The following SAMMSON variants were observed in gnomAD, a reference collection of about 807,000 sequenced individuals.
SAMMSON encodes the protein survival associated mitochondrial melanoma specific oncogenic non-coding RNA.
At chr3:70,236,100 C>T (rs1701606088) in intron 4 of SAMMSON, among the ~76,000 whole-genome samples, 1 of 152,184 alleles carries the variant, frequency 6.6e-6, no homozygotes, top group Admixed American at 6.5e-5. Flanking sequence ...TTCACTCTTT[C>T]CCTTGCTAAC....
At chr3:70,139,969 AT>A (rs1412626214) in intron 4 of SAMMSON, among the ~76,000 whole-genome samples, 1 of 151,628 alleles carries the variant, frequency 6.6e-6, no homozygotes, top group African/African-American at 2.4e-5. Flanking sequence ...AGGCTTTCTC[AT>A]TTTTTTTCTA....
At chr3:70,167,295 T>C (rs1292795352) in intron 4 of SAMMSON, among the ~76,000 whole-genome samples, 1 of 152,006 alleles carries the variant, frequency 6.6e-6, no homozygotes, top group Non-Finnish European at 1.5e-5. Context: ...CACAAATGGC[T>C]TGTTATTTTC....
intron 6 of SAMMSON, chr3:70,272,319 T>C (rs1701983249): frequency 6.6e-6 from 1 of 152,240 alleles, no homozygotes; most frequent in Non-Finnish European, 1.5e-5. Context: ...AGGCAATCAC[T>C]TTCTGCTACT....
chr3:70,265,809 G>A lies in SAMMSON; in HGVS notation n.674+16139G>A, dbSNP rs140702269. On this transcript the variant is annotated intron_variant and non_coding_transcript_variant, in intron 6 of 9. Coordinates refer to ENST00000642114, the Ensembl canonical transcript of SAMMSON. ...CATGATGGGAGGCACCTCTTCACAG[G>A]GTGGCAGGAGAGAGAATGAGTGCCA... 4.8e-3 allele frequency among the ~76,000 whole-genome samples: 725 copies of A among 152,250 alleles called. 5 individuals are homozygous for A. Among genetic ancestry groups the A allele is most frequent in the African/African-American group, 0.017 (692 of 41,534 alleles).
chr3:70,038,915 T>C (rs924075733), intron 3 of SAMMSON, among the ~76,000 whole-genome samples: 1 of 152,078 alleles, frequency 6.6e-6, no homozygotes, highest in Non-Finnish European at 1.5e-5. Flanking sequence ...ACTGAACCAG[T>C]GTGAAGTGGT....
intron 1 of SAMMSON, among the ~76,000 whole-genome samples, chr3:70,006,014 A>C (rs556516309): frequency 6.6e-6 from 1 of 152,290 alleles, no homozygotes; most frequent in East Asian, 1.9e-4. Flanking sequence ...CCAATAAAAG[A>C]ATTATAGTTT....
chr3:70,264,920 A>G (rs1295999574), intron 6 of SAMMSON, among the ~76,000 whole-genome samples: 5 of 152,210 alleles, frequency 3.3e-5, no homozygotes, highest in Admixed American at 6.5e-5. Flanking sequence ...ATAGTTCCAC[A>G]TGGCTGGGGA....
chr3:70,227,368 G>C (rs914963110), intron 4 of SAMMSON, among the ~76,000 whole-genome samples: 1 of 152,102 alleles, frequency 6.6e-6, no homozygotes, highest in African/African-American at 2.4e-5. Flanking sequence ...TCTTACTCAA[G>C]AGATGAGAAT....
chr3:70,332,388 C>G (rs188347874), intron 7 of SAMMSON, among the ~76,000 whole-genome samples: 2 of 152,272 alleles, frequency 1.3e-5, no homozygotes, highest in East Asian at 3.9e-4. Context: ...TTATGAATGA[C>G]TCCAAGATAC....
chr3:70,127,321 C>T (rs12492173), intron 4 of SAMMSON: 36,319 of 151,988 alleles, frequency 0.24, 4,858 homozygotes, highest in East Asian at 0.5. Context: ...CTAGGGAAGA[C>T]AGTGGTACAA....
intron 4 of SAMMSON, among the ~76,000 whole-genome samples, chr3:70,102,181 C>A (rs2067348899): frequency 6.6e-6 from 1 of 152,132 alleles, no homozygotes; most frequent in Non-Finnish European, 1.5e-5. Context: ...AAGCTCTACA[C>A]ATTTTGTTTT....
At chr3:70,106,502 G>A (rs2067367696) in intron 4 of SAMMSON, among the ~76,000 whole-genome samples, 1 of 114,160 alleles carries the variant, frequency 8.8e-6, no homozygotes, top group African/African-American at 3.7e-5. Flanking sequence ...CACCATGCCT[G>A]GCTATTTTTT....
intron 7 of SAMMSON, among the ~76,000 whole-genome samples, chr3:70,346,949 A>T (rs1702756079): frequency 6.6e-6 from 1 of 152,146 alleles, no homozygotes; most frequent in Admixed American, 6.5e-5. Flanking sequence ...TGGCAATGAA[A>T]CTGATTCTAA....
At chr3:70,268,290 G>C (rs1392638215) in intron 6 of SAMMSON, among the ~76,000 whole-genome samples, 1 of 151,978 alleles carries the variant, frequency 6.6e-6, no homozygotes, top group African/African-American at 2.4e-5. Flanking sequence ...GGACAGCACG[G>C]AGAAACACCC....
intron 1 of SAMMSON, among the ~76,000 whole-genome samples, chr3:70,003,942 A>G (rs1236580856): frequency 6.6e-6 from 1 of 151,952 alleles, no homozygotes; most frequent in Non-Finnish European, 1.5e-5. Flanking sequence ...TAATTTGCAT[A>G]TATTTTATAT....
intron 4 of SAMMSON, among the ~76,000 whole-genome samples, chr3:70,116,663 A>C (rs1559517689): frequency 6.6e-6 from 1 of 152,114 alleles, no homozygotes; most frequent in Non-Finnish European, 1.5e-5. Flanking sequence ...GCCACTCTAT[A>C]ACTACCGTGT....
intron 4 of SAMMSON, among the ~76,000 whole-genome samples, chr3:70,101,987 A>G (rs2067348215): frequency 6.6e-6 from 1 of 152,176 alleles, no homozygotes; most frequent in Non-Finnish European, 1.5e-5. Context: ...TCAGTTCCCT[A>G]GTTATATCCA....
intron 6 of SAMMSON, among the ~76,000 whole-genome samples, chr3:70,281,436 C>A (rs937206290): frequency 7.9e-5 from 12 of 152,106 alleles, no homozygotes; most frequent in African/African-American, 2.9e-4. Flanking sequence ...TTACCATTTT[C>A]TAGGCAAGTA....
chr3:70,020,556 T>G (rs1477301462), intron 3 of SAMMSON, among the ~76,000 whole-genome samples: 1 of 152,114 alleles, frequency 6.6e-6, no homozygotes, highest in Non-Finnish European at 1.5e-5. Context: ...TTGCAGAGTC[T>G]TCCCATCCCT....
Sources: allele counts gnomAD v4.1 joint callset (sites outside exome capture counted in the v4.1 genomes callset), GRCh38; gene constraint gnomAD v4.1.1; transcripts MANE v1.5; gene names NCBI Gene and HGNC (gene_info 2026-07-23, HGNC 2026-07-21).